MFSD6: variants seen among roughly 807,000 people sequenced by gnomAD.
MFSD6 encodes major facilitator superfamily domain-containing protein 6.
In MFSD6, 26 loss-of-function variants were observed where a neutral mutation model predicts 56.3. The ratio of observed to expected loss-of-function variants is 0.46; its 90% CI spans 0.34 to 0.64. MFSD6 has a LOEUF of 0.64. Ranked by LOEUF, MFSD6 falls within the 30% of genes least tolerant of loss-of-function variation. The pLI is 0.01. For synonymous variants in MFSD6, 331 were observed against 366.9 expected (o/e 0.90, Z 1.12); for missense variants, 750 against 986.2 (o/e 0.76, Z 3.21).
At position 190,413,671 on chromosome 2, in the gene MFSD6, G is replaced by T. The variant is rs115996121; in HGVS notation, c.-175-1621G>T. Among the ~76,000 whole-genome samples, 1 of 152,148 alleles carries T rather than the reference G, an allele frequency of 6.6e-6. No individual in the cohort carries two copies. Among genetic ancestry groups the T allele is most frequent in the Non-Finnish European group, 1.5e-5 (1 of 68,034 alleles). On this transcript the variant is annotated intron_variant, in intron 1 of 7. Coordinates refer to ENST00000392328, the MANE Select transcript of MFSD6 (RefSeq NM_017694.4). The surrounding 1 kb of genome is among the most constrained non-coding windows in gnomAD (Gnocchi z 4.1). ...AACAAGCCCGATGTGTGGGTTAACC[G>T]TGCCAAAGGAAAGTGAGTGGCGAGC...
Position 190,412,150 on chromosome 2 carries a change from T to TA in MFSD6, c.-175-3138dup. The TA allele has an allele frequency of 2.0e-6, 2 of 983,858 alleles. No homozygotes were observed. Among genetic ancestry groups the TA allele is most frequent in the Non-Finnish European group, 2.4e-6 (2 of 828,482 alleles). 60.9% of individuals were successfully genotyped at this position (983,858 alleles called of 1,614,324 possible). On this transcript the variant is annotated intron_variant, in intron 1 of 7. Transcript: ENST00000392328. The surrounding 1 kb of genome is among the most constrained non-coding windows in gnomAD (Gnocchi z 4.1). ...CTATCCAATTCTATGTAAAATTAACTAAAACCACTGCTTAGAATCCTTAAA... is the reference window on the plus strand; with the variant it reads ...CTATCCAATTCTATGTAAAATTAACTAAAAACCACTGCTTAGAATCCTTAAA...
In MFSD6 at chr2:190,498,216, C is replaced by G. The variant is rs1328385528; in HGVS notation, c.2172+497C>G. 6.6e-6 allele frequency among the ~76,000 whole-genome samples: 1 copy of G among 152,080 alleles called. No individual in the cohort carries two copies. The highest frequency in any genetic ancestry group is 1.9e-4 in the East Asian group (1 of 5,200). On this transcript the variant is annotated intron_variant, in intron 7 of 7. Coordinates refer to ENST00000392328, the MANE Select transcript of MFSD6 (RefSeq NM_017694.4). This position sits in a 1 kb window ranked among gnomAD's most constrained non-coding sequence, Gnocchi z 5.9. Reference sequence around the variant, plus strand: ...TCTAAAAGTGTGATTTTTCTTGTCCCCAGAGGAGTGATCTTTCCTGAGTAA... The same window carrying G: ...TCTAAAAGTGTGATTTTTCTTGTCCGCAGAGGAGTGATCTTTCCTGAGTAA...
rs1689879347 is a variant in MFSD6 at position 190,499,110 on chromosome 2, T to C, written c.2173-905T>C. 6.6e-6 allele frequency among the ~76,000 whole-genome samples: 1 copy of C among 152,204 alleles called. No individual in the cohort carries two copies. The highest frequency in any genetic ancestry group is 2.4e-5 in the African/African-American group (1 of 41,448). The stretch of plus-strand genomic sequence containing the variant: ...TTGCAGTGAGCCAAGGTCACGCCAC[T>C]GCACTCCGGCCTAGGCGACAGAGTG... On this transcript the variant is annotated intron_variant, in intron 7 of 7. Transcript: ENST00000392328. This position sits in a 1 kb window ranked among gnomAD's most constrained non-coding sequence, Gnocchi z 6.0.
rs747308538 is a variant in MFSD6, at chr2:190,489,808, G to C, written c.1833G>C (p.Leu611Phe). The C allele has an allele frequency of 3.7e-6, 6 of 1,614,186 alleles. No homozygotes were observed. In the South Asian group the frequency reaches 4.4e-5, roughly 12 times the overall value. The change falls in exon 6 of 8, where the codon TTG (leucine) becomes TTC (phenylalanine). Residue 611 changes from leucine to phenylalanine, a missense_variant. Leu to Phe is a conservative substitution (Grantham distance 22). Transcript: ENST00000392328. The surrounding 1 kb of genome is among the most constrained non-coding windows in gnomAD (Gnocchi z 6.6). ...ATFRGIGMAC[L>F]VILLLFALIQ... ...TCCGAGGAATTGGCATGGCCTGCTT[G>C]GTGATCCTACTGCTCTTTGCCCTGA...
intron 3 of MFSD6, among the ~76,000 whole-genome samples, chr2:190,449,958 T>C (rs1198414526): frequency 1.3e-5 from 2 of 152,038 alleles, no homozygotes; most frequent in Admixed American, 1.3e-4. Flanking sequence ...GGCACATGTA[T>C]ACATATGTAA....
chr2:190,474,214 TC>T (rs1210776870), intron 4 of MFSD6, among the ~76,000 whole-genome samples: 1 of 151,702 alleles, frequency 6.6e-6, no homozygotes, highest in Non-Finnish European at 1.5e-5. Flanking sequence ...ATAACTAAGA[TC>T]AGAGCAGAAC....
Position 190,467,048 on chromosome 2 carries a change from A to T in MFSD6, c.1533-2710A>T, listed in dbSNP as rs963574961. Among the ~76,000 whole-genome samples the T allele has an allele frequency of 1.3e-5, 2 of 152,216 alleles. No individual in the cohort carries two copies. Among genetic ancestry groups the T allele is most frequent in the African/African-American group, 4.8e-5 (2 of 41,452 alleles). The stretch of plus-strand genomic sequence containing the variant: ...AGTTGTCATGGCAACCCTGATTCAG[A>T]GGTGGGCTCAAAAGACAGCTTCAGG... On this transcript the variant is annotated intron_variant, in intron 3 of 7. Transcript: ENST00000392328. This position sits in a 1 kb window ranked among gnomAD's most constrained non-coding sequence, Gnocchi z 5.5.
At chr2:190,450,849 T>C (rs887001039) in intron 3 of MFSD6, among the ~76,000 whole-genome samples, 10 of 152,202 alleles carry the variant, frequency 6.6e-5, no homozygotes, top group African/African-American at 2.4e-4. Context: ...TCTGACATTA[T>C]TGAAAAGAAG....
chr2:190,460,703 G>A (rs548273158), intron 3 of MFSD6, among the ~76,000 whole-genome samples: 3 of 152,166 alleles, frequency 2.0e-5, no homozygotes, highest in Non-Finnish European at 2.9e-5. Context: ...ATATTAAAGG[G>A]AATGGACCAG....
At position 190,424,332 on chromosome 2, in the gene MFSD6, G is replaced by T. The variant is rs564839406; in HGVS notation, c.-54+8919G>T. On this transcript the variant is annotated intron_variant, in intron 2 of 7. Transcript: ENST00000392328. This position sits in a 1 kb window ranked among gnomAD's most constrained non-coding sequence, Gnocchi z 5.9. ...TATAAGGTATAAGACTTAGTTTGAG[G>T]TTATTTATTTATTTTTTTTTCAGAC... Among the ~76,000 whole-genome samples, 18 of 151,052 alleles carry T rather than the reference G, an allele frequency of 1.2e-4. No homozygotes were observed. The highest frequency in any genetic ancestry group is 2.2e-4 in the Non-Finnish European group (15 of 67,716).
In MFSD6 at chr2:190,499,164, TAATA is replaced by T. The variant is rs377506028; in HGVS notation, c.2173-836_2173-833del. ...CTCCGTCTCAAAATTATAATAACAA[TAATA>T]AATAAATAAATAAAATGTTTCTGGT... On this transcript the variant is annotated intron_variant, in intron 7 of 7. Coordinates refer to ENST00000392328, the MANE Select transcript of MFSD6 (RefSeq NM_017694.4). The surrounding 1 kb of genome is among the most constrained non-coding windows in gnomAD (Gnocchi z 6.0). 8.2e-3 allele frequency among the ~76,000 whole-genome samples: 1,241 copies of T among 152,100 alleles called. 23 individuals are homozygous for T. Among genetic ancestry groups the T allele is most frequent in the African/African-American group, 0.027 (1,116 of 41,480 alleles).
chr2:190,476,008 T>C (rs1003025429), intron 4 of MFSD6, among the ~76,000 whole-genome samples: 2 of 152,122 alleles, frequency 1.3e-5, no homozygotes, highest in Non-Finnish European at 2.9e-5. Context: ...TGGCTAGCCA[T>C]ATATAGAAAG....
At position 190,453,764 on chromosome 2, in the gene MFSD6, G is replaced by A. The variant is rs935084067; in HGVS notation, c.1533-15994G>A. Among the ~76,000 whole-genome samples, 8 of 152,186 alleles carry A rather than the reference G, an allele frequency of 5.3e-5. No individual in the cohort carries two copies. In the South Asian group the frequency reaches 1.0e-3, roughly 20 times the overall value. On this transcript the variant is annotated intron_variant, in intron 3 of 7. Coordinates refer to ENST00000392328, the MANE Select transcript of MFSD6 (RefSeq NM_017694.4). ...CTGTGGGACTGGAGAAGCACAGAAC[G>A]GAAGAGAATATGTTGCCCCAAATAG...
In MFSD6 at chr2:190,461,361, A is replaced by T. The variant is rs1687320043; in HGVS notation, c.1533-8397A>T. Among the ~76,000 whole-genome samples the T allele has an allele frequency of 6.6e-6, 1 of 152,196 alleles. No individual in the cohort carries two copies. The highest frequency in any genetic ancestry group is 2.1e-4 in the South Asian group (1 of 4,836). ...CTCCCACCCCTTGGGCAGTCCCCCAATTCCTCTCCTTAGAGACTATCCATT... is the reference window on the plus strand; with the variant it reads ...CTCCCACCCCTTGGGCAGTCCCCCATTTCCTCTCCTTAGAGACTATCCATT... On this transcript the variant is annotated intron_variant, in intron 3 of 7. Coordinates refer to ENST00000392328, the MANE Select transcript of MFSD6 (RefSeq NM_017694.4). The surrounding 1 kb of genome is among the most constrained non-coding windows in gnomAD (Gnocchi z 5.5).
intron 6 of MFSD6, among the ~76,000 whole-genome samples, chr2:190,493,551 C>T (rs543957831): frequency 1.3e-5 from 2 of 152,284 alleles, no homozygotes; most frequent in African/African-American, 4.8e-5. Context: ...ATTTACAGAA[C>T]ATTCTACCCA....
rs553091140 is a variant in MFSD6, at chr2:190,499,143, G to A, written c.2173-872G>A. 3.7e-4 allele frequency among the ~76,000 whole-genome samples: 56 copies of A among 152,180 alleles called. No individual in the cohort carries two copies. Among genetic ancestry groups the A allele is most frequent in the Admixed American group, 1.7e-3 (26 of 15,288 alleles). ...GGCCTAGGCGACAGAGTGAGACTCC[G>A]TCTCAAAATTATAATAACAATAATA... On this transcript the variant is annotated intron_variant, in intron 7 of 7. Transcript: ENST00000392328. This position sits in a 1 kb window ranked among gnomAD's most constrained non-coding sequence, Gnocchi z 6.0.
At position 190,462,740 on chromosome 2, in the gene MFSD6, G is replaced by T. The variant is rs1211133888; in HGVS notation, c.1533-7018G>T. Among the ~76,000 whole-genome samples, 2 of 152,170 alleles carry T rather than the reference G, an allele frequency of 1.3e-5. No individual in the cohort carries two copies. Among genetic ancestry groups the T allele is most frequent in the African/African-American group, 4.8e-5 (2 of 41,442 alleles). The stretch of plus-strand genomic sequence containing the variant: ...TTCAACAGTGGGACTCTCAAAATCA[G>T]AGGTACCAGTGCCCCAAGTCATATC... On this transcript the variant is annotated intron_variant, in intron 3 of 7. Transcript: ENST00000392328. This position sits in a 1 kb window ranked among gnomAD's most constrained non-coding sequence, Gnocchi z 5.7.
rs780856177 is a variant in MFSD6, at chr2:190,492,862, A to G, written c.1891+2996A>G. On this transcript the variant is annotated intron_variant, in intron 6 of 7. Coordinates refer to ENST00000392328, the MANE Select transcript of MFSD6 (RefSeq NM_017694.4). This position sits in a 1 kb window ranked among gnomAD's most constrained non-coding sequence, Gnocchi z 5.2. ...CCACTCACCACCAAGCCAGCACTAC[A>G]AGAGCTGAAAGGAGCTCTAAATCTT... Among the ~76,000 whole-genome samples the G allele has an allele frequency of 2.0e-5, 3 of 152,144 alleles. No homozygotes were observed. Among genetic ancestry groups the G allele is most frequent in the Non-Finnish European group, 4.4e-5 (3 of 68,022 alleles).
At chr2:190,448,310 A>C (rs1331111893) in intron 3 of MFSD6, among the ~76,000 whole-genome samples, 2 of 152,224 alleles carry the variant, frequency 1.3e-5, no homozygotes, top group Non-Finnish European at 1.5e-5. Flanking sequence ...TTTTAGATAA[A>C]TACCTCCCTG....
Sources: gnomAD v4.1 joint callset for allele counts (sites outside exome capture counted in the v4.1 genomes callset) on GRCh38, gnomAD v4.1.1 for gene constraint, Gnocchi (gnomAD v3.1) non-coding constraint, MANE v1.5 for transcripts, NCBI Gene and HGNC (gene_info 2026-07-23, HGNC 2026-07-21) for gene names.